Variants in LDB1 observed in about 807,000 individuals in gnomAD.
The protein encoded by LDB1 is LIM domain-binding protein 1.
A neutral mutation model predicts 49.7 loss-of-function variants in LDB1; 6 were observed. The ratio of observed to expected loss-of-function variants is 0.12; its 90% CI spans 0.07 to 0.24. LDB1 has a LOEUF of 0.24. Ranked by LOEUF, LDB1 falls within the 10% of genes least tolerant of loss-of-function variation. The pLI is 1.00. For synonymous variants in LDB1, 233 were observed against 202.0 expected (o/e 1.15, Z -1.30); for missense variants, 341 against 561.7 (o/e 0.61, Z 3.97).
At chr10:102,114,491 G>A (rs990647211) in intron 1 of LDB1, 29 of 986,338 alleles carry the variant, frequency 2.9e-5, no homozygotes, top group Non-Finnish European at 3.4e-5. Flanking sequence ...GCTGACGGGG[G>A]GACAACTTCA....
At chr10:102,116,368 GACAGGTTTC>G (rs2068336832) in intron 1 of LDB1, among the ~76,000 whole-genome samples, 1 of 152,120 alleles carries the variant, frequency 6.6e-6, no homozygotes, top group South Asian at 2.1e-4. Context: ...TTTTAGTAGA[GACAGGTTTC>G]ACTATGTTGG....
chr10:102,108,199 C>A lies in LDB1; in HGVS notation c.1130G>T (p.Ser377Ile). 1 of 1,614,066 alleles carries A rather than the reference C, an allele frequency of 6.2e-7. No homozygotes were observed. Among genetic ancestry groups the A allele is most frequent in the Non-Finnish European group, 8.5e-7 (1 of 1,179,976 alleles). ...DAANGIDDED[S>I]FNNSPALGAN... ...GCCCAGTGCAGGGGAGTTGTTAAAG[C>A]TGTCCTCGTCGTCAATGCCGTTGGC... Residue 377 changes from serine (S) to isoleucine (I), a missense_variant, in exon 11 of 11, where the codon AGC becomes ATC. Physicochemically the swap from Ser to Ile is moderately radical, Grantham distance 142. This residue lies in a region of LDB1 where 46 missense variants were observed against 62.9 expected (regional missense o/e 0.73). Coordinates refer to ENST00000673968, the MANE Select transcript of LDB1 (RefSeq NM_001113407.3).
chr10:102,118,146 G>A (rs1018457712), intron 1 of LDB1, among the ~76,000 whole-genome samples: 1 of 152,120 alleles, frequency 6.6e-6, no homozygotes, highest in Non-Finnish European at 1.5e-5. Context: ...GTTCAAGCAT[G>A]TGCTCCCCCA....
chr10:102,114,812 G>GGGGGCGCCCCCC, intron 1 of LDB1: 1 of 929,816 alleles, frequency 1.1e-6, no homozygotes, highest in Non-Finnish European at 1.3e-6. Context: ...CCTCCGAGCA[G>GGGGGCGCCCCCC]CCCGCCCGCC....
Position 102,117,429 on chromosome 10 carries a change from G to A in LDB1, c.25+2657C>T, listed in dbSNP as rs2068348052. Among the ~76,000 whole-genome samples, 1 of 152,200 alleles carries A rather than the reference G, an allele frequency of 6.6e-6. No homozygotes were observed. Among genetic ancestry groups the A allele is most frequent in the African/African-American group, 2.4e-5 (1 of 41,454 alleles). On this transcript the variant is annotated intron_variant, in intron 1 of 10. Coordinates refer to ENST00000673968, the MANE Select transcript of LDB1 (RefSeq NM_001113407.3). The surrounding 1 kb of genome is among the most constrained non-coding windows in gnomAD (Gnocchi z 4.2). Reference sequence around the variant, plus strand: ...TAGAATTGGTGGTGAGGTGGAGGGAGCAGCAAATAATGACAAAGATGATGA... The same window carrying A: ...TAGAATTGGTGGTGAGGTGGAGGGAACAGCAAATAATGACAAAGATGATGA...
At chr10:102,120,387 G>A (rs2068402664), upstream of LDB1, 1 of 983,502 alleles carries the variant, frequency 1.0e-6, no homozygotes, top group Non-Finnish European at 1.2e-6. Context: ...GTGCGTGTGT[G>A]CGCGTGTGCG....
chr10:102,120,045 G>A (rs2068396610), intron 1 of LDB1, 41 bp downstream of exon 1: 1 of 1,404,768 alleles, frequency 7.1e-7, no homozygotes, highest in Non-Finnish European at 9.5e-7. Context: ...CGCAGGGACG[G>A]CTGGGCAGGA....
At position 102,111,160 on chromosome 10, in the gene LDB1, G is replaced by T; in HGVS notation, c.174-16C>A. On this transcript the variant is annotated splice_polypyrimidine_tract_variant and intron_variant, in intron 3 of 10. Transcript: ENST00000673968. ...TGTGTGCCTCCTGGAGGAAGTGAAG[G>T]AGAGAGGTCAGTAGGAGCGGAGCCT... 1.2e-6 allele frequency: 2 copies of T among 1,613,514 alleles called. No individual in the cohort carries two copies. Among genetic ancestry groups the T allele is most frequent in the South Asian group, 2.2e-5 (2 of 91,052 alleles).
At chr10:102,111,338 G>A in intron 2 of LDB1, 38 bp from the exon 3 acceptor site, 3 of 1,609,792 alleles carry the variant, frequency 1.9e-6, no homozygotes, top group South Asian at 2.2e-5. Context: ...GGGGGTTGAA[G>A]ATAGGAATTA....
Position 102,114,563 on chromosome 10 carries a change from C to CAAA in LDB1, c.26-3030_26-3028dup, listed in dbSNP as rs1289061910. On this transcript the variant is annotated intron_variant, in intron 1 of 10. Coordinates refer to ENST00000673968, the MANE Select transcript of LDB1 (RefSeq NM_001113407.3). Reference sequence around the variant, plus strand: ...TGGGAGCTCCAGTCCGCCGGCCGCACAAAGACTCGCACGCACTGCCTCGGC... The same window carrying CAAA: ...TGGGAGCTCCAGTCCGCCGGCCGCACAAAAAAGACTCGCACGCACTGCCTCGGC... 14 of 985,592 alleles carry CAAA rather than the reference C, an allele frequency of 1.4e-5. No homozygotes were observed. In the African/African-American group the frequency reaches 2.4e-4, roughly 17 times the overall value. 61.1% of individuals were successfully genotyped at this position (985,592 alleles called of 1,614,324 possible).
At chr10:102,114,864 A>C in intron 1 of LDB1, 15 of 962,990 alleles carry the variant, frequency 1.6e-5, no homozygotes, top group Non-Finnish European at 1.8e-5. Context: ...GCACCAGGAG[A>C]GGCAGGACCC....
intron 6 of LDB1, 128 bp from the exon 7 acceptor site, chr10:102,110,171 T>C (rs1165196376): frequency 1.9e-6 from 2 of 1,040,732 alleles, no homozygotes; most frequent in Non-Finnish European, 2.8e-6. Context: ...ACATTAAATC[T>C]GGGTGCATAA....
chr10:102,113,586 G>A (rs1370456892), intron 1 of LDB1, among the ~76,000 whole-genome samples: 1 of 152,050 alleles, frequency 6.6e-6, no homozygotes, highest in East Asian at 1.9e-4. Context: ...CCAGGCCTGG[G>A]CAATAAACCC....
rs1396778383 is a variant in LDB1, at chr10:102,109,144, C to T, written c.890G>A (p.Arg297Gln). 2 of 1,613,908 alleles carry T rather than the reference C, an allele frequency of 1.2e-6. No homozygotes were observed. Among genetic ancestry groups the T allele is most frequent in the African/African-American group, 1.3e-5 (1 of 74,898 alleles). ...GCTGCCCCCTGACATCTTCCGTTTCCGCCGTTTGCTGGGCTGCTGACGTGT... is the reference window on the plus strand; with the variant it reads ...GCTGCCCCCTGACATCTTCCGTTTCTGCCGTTTGCTGGGCTGCTGACGTGT... ...EPTRQQPSKR[R>Q]KRKMSGGSTM... Residue 297 changes from arginine to glutamine, a missense_variant, in exon 10 of 11, where the codon CGG becomes CAG. By Grantham distance (43) the Arg-to-Gln change is conservative. This residue lies in a region of LDB1 where 233 missense variants were observed against 385.7 expected (regional missense o/e 0.60). Transcript: ENST00000673968. This position sits in a 1 kb window ranked among gnomAD's most constrained non-coding sequence, Gnocchi z 5.8.
intron 1 of LDB1, among the ~76,000 whole-genome samples, chr10:102,119,298 G>GCCCC (rs752751627): frequency 1.5e-5 from 2 of 131,410 alleles, no homozygotes; most frequent in African/African-American, 5.6e-5. Flanking sequence ...GACGCCCTCC[G>GCCCC]CCCCCCCCAC....
chr10:102,108,399 C>G, intron 10 of LDB1, 76 bp from the exon 11 acceptor site: 1 of 1,130,674 alleles, frequency 8.8e-7, no homozygotes, highest in Non-Finnish European at 1.3e-6. Flanking sequence ...ACCCCCAGAG[C>G]CCCAGTACCC....
chr10:102,119,300 C>A (rs984634070), intron 1 of LDB1, among the ~76,000 whole-genome samples: 1 of 151,466 alleles, frequency 6.6e-6, no homozygotes, highest in Non-Finnish European at 1.5e-5. Flanking sequence ...CGCCCTCCGC[C>A]CCCCCCACCT....
chr10:102,115,004 A>C (rs1378549275), intron 1 of LDB1: 1 of 280,324 alleles, frequency 3.6e-6, no homozygotes, highest in Non-Finnish European at 5.4e-6. Context: ...TCTCAGAATG[A>C]GGCCCCAGGG....
rs2068190264 is a variant in LDB1, at chr10:102,107,955, A to T, written c.*138T>A. ...CAAATCTTGGCACCTGCCCCCAGAG[A>T]GTCCAGTTCCTCCCTGAAGCGGGTG... On this transcript the variant is annotated 3_prime_UTR_variant, in exon 11 of 11. Coordinates refer to ENST00000673968, the MANE Select transcript of LDB1 (RefSeq NM_001113407.3). 1.3e-6 allele frequency: 1 copy of T among 758,170 alleles called. No homozygotes were observed. The highest frequency in any genetic ancestry group is 1.7e-5 in the African/African-American group (1 of 57,696). The allele number at this position is 758,170 out of a possible 1,614,324, so 47.0% of individuals were successfully genotyped here.
Sources: gnomAD v4.1 joint callset for allele counts (sites outside exome capture counted in the v4.1 genomes callset) on GRCh38, gnomAD v4.1.1 for gene constraint, gnomAD v4.1.1 regional missense constraint, Gnocchi (gnomAD v3.1) non-coding constraint, MANE v1.5 for transcripts, NCBI Gene and HGNC (gene_info 2026-07-23, HGNC 2026-07-21) for gene names.